PPP3CA: variants seen among roughly 807,000 people sequenced by gnomAD.
PPP3CA encodes the protein CAM-PRP catalytic subunit.
A neutral mutation model predicts 66.5 loss-of-function variants in PPP3CA; 14 were observed. That is an observed-to-expected ratio of 0.21 (90% confidence interval 0.14 to 0.33). The LOEUF (loss-of-function observed/expected upper bound fraction) is 0.33. PPP3CA is among the 10% of genes least tolerant of loss of function. PPP3CA has a pLI of 1.00. For synonymous variants in PPP3CA, 232 were observed against 226.2 expected (o/e 1.03, Z -0.23); for missense variants, 317 against 639.5 (o/e 0.50, Z 5.44).
chr4:101,269,868 G>A (rs924227488), intron 1 of PPP3CA, among the ~76,000 whole-genome samples: 3 of 152,038 alleles, frequency 2.0e-5, no homozygotes, highest in African/African-American at 7.2e-5. Context: ...TGCTTTACCA[G>A]TCTCTATAAG....
rs764379472 is a variant in PPP3CA at position 101,052,160 on chromosome 4, T to C, written c.1156+8927A>G. On this transcript the variant is annotated intron_variant, in intron 10 of 13. Transcript: ENST00000394854. ...GAAAAGGCAGTACTTCTGATACCTA[T>C]ATTACTGCACCATTTTAATTGCTAA... Among the ~76,000 whole-genome samples the C allele has an allele frequency of 4.9e-4, 75 of 152,088 alleles. 1 individual carries two copies. The highest frequency in any genetic ancestry group is 2.1e-4 in the Non-Finnish European group (14 of 67,976).
At chr4:101,285,607 G>C (rs924011486) in intron 1 of PPP3CA, among the ~76,000 whole-genome samples, 2 of 119,042 alleles carry the variant, frequency 1.7e-5, no homozygotes, top group African/African-American at 8.1e-5. Context: ...GTATGTGTGT[G>C]TGTGTGTGTG....
At position 101,347,225 on chromosome 4, in the gene PPP3CA, A is replaced by T; in HGVS notation, c.-429T>A. On this transcript the variant is annotated 5_prime_UTR_variant, in exon 1 of 14. The change abolishes an upstream ATG in the 5' untranslated region. Coordinates refer to ENST00000394854, the MANE Select transcript of PPP3CA (RefSeq NM_000944.5). Reference sequence around the variant, plus strand: ...CACGGCCAGGATTAAGACCGATCACATGGGGAAGGCCGGGGGCGAGGGAGG... The same window carrying T: ...CACGGCCAGGATTAAGACCGATCACTTGGGGAAGGCCGGGGGCGAGGGAGG... 1 of 198,422 alleles carries T rather than the reference A, an allele frequency of 5.0e-6. No homozygotes were observed. The highest frequency in any genetic ancestry group is 7.4e-5 in the South Asian group (1 of 13,430). 12.3% of individuals were successfully genotyped at this position (198,422 alleles called of 1,614,324 possible).
intron 1 of PPP3CA, among the ~76,000 whole-genome samples, chr4:101,221,885 A>G (rs1725636316): frequency 6.6e-6 from 1 of 151,636 alleles, no homozygotes; most frequent in Non-Finnish European, 1.5e-5. Context: ...GGTAGCTGAG[A>G]TAACTGAAAG....
At chr4:101,032,153 G>T in intron 12 of PPP3CA, 114 bp downstream of exon 12, 1 of 732,492 alleles carries the variant, frequency 1.4e-6, no homozygotes, top group Admixed American at 3.7e-5. Context: ...TCTGCCAGCT[G>T]AGAAGAAGAA....
intron 1 of PPP3CA, among the ~76,000 whole-genome samples, chr4:101,291,360 T>G (rs915165817): frequency 6.6e-6 from 1 of 152,194 alleles, no homozygotes; most frequent in Non-Finnish European, 1.5e-5. Flanking sequence ...TGTATTGGCA[T>G]GCATTCTAAT....
At chr4:101,061,223 C>T in intron 9 of PPP3CA, 62 bp from the exon 10 acceptor site, 1 of 1,412,504 alleles carries the variant, frequency 7.1e-7, no homozygotes, top group South Asian at 1.2e-5. Context: ...AACTATTACT[C>T]TGGCATTGTT....
At chr4:101,132,675 G>C (rs1417706771) in intron 2 of PPP3CA, among the ~76,000 whole-genome samples, 1 of 152,180 alleles carries the variant, frequency 6.6e-6, no homozygotes, top group Non-Finnish European at 1.5e-5. Flanking sequence ...GAGGTACAAA[G>C]ATGAGCTGGT....
At chr4:101,050,354 T>G (rs1029299354) in intron 10 of PPP3CA, among the ~76,000 whole-genome samples, 1 of 152,048 alleles carries the variant, frequency 6.6e-6, no homozygotes, top group African/African-American at 2.4e-5. Flanking sequence ...TCTTAAGACA[T>G]ATAACTAAAT....
At chr4:101,133,745 C>T (rs1185231963) in intron 2 of PPP3CA, among the ~76,000 whole-genome samples, 1 of 152,132 alleles carries the variant, frequency 6.6e-6, no homozygotes, top group Non-Finnish European at 1.5e-5. Context: ...AAAAAAACTA[C>T]TTTAAATTTC....
At chr4:101,296,532 A>G (rs1728206532) in intron 1 of PPP3CA, among the ~76,000 whole-genome samples, 1 of 152,142 alleles carries the variant, frequency 6.6e-6, no homozygotes, top group Non-Finnish European at 1.5e-5. Context: ...TTTTGCTTTA[A>G]GCTGAACTTT....
intron 1 of PPP3CA, among the ~76,000 whole-genome samples, chr4:101,220,376 CT>C (rs1322768729): frequency 1.3e-5 from 2 of 150,874 alleles, no homozygotes; most frequent in Non-Finnish European, 3.0e-5. Flanking sequence ...TAACCTGTTC[CT>C]TTTTTACCAA....
chr4:101,205,365 C>A lies in PPP3CA; in HGVS notation c.59-9249G>T, dbSNP rs142433890. The stretch of plus-strand genomic sequence containing the variant: ...AATTAAGCTCTGGGGTACATGAATC[C>A]AGGTACATTTTACCACTCAGAAATC... On this transcript the variant is annotated intron_variant, in intron 1 of 13. Coordinates refer to ENST00000394854, the MANE Select transcript of PPP3CA (RefSeq NM_000944.5). Among the ~76,000 whole-genome samples the A allele has an allele frequency of 2.4e-3, 361 of 151,882 alleles. 1 individual carries two copies. Among genetic ancestry groups the A allele is most frequent in the African/African-American group, 8.5e-3 (350 of 41,410 alleles).
chr4:101,233,780 G>A (rs1175894648), intron 1 of PPP3CA, among the ~76,000 whole-genome samples: 1 of 150,814 alleles, frequency 6.6e-6, no homozygotes, highest in Admixed American at 6.6e-5. Flanking sequence ...TACATGTGCA[G>A]GTTTGTGATA....
chr4:101,199,205 T>C (rs1433487635), intron 1 of PPP3CA, among the ~76,000 whole-genome samples: 2 of 152,228 alleles, frequency 1.3e-5, no homozygotes, highest in African/African-American at 2.4e-5. Flanking sequence ...CATGAAGACC[T>C]GTGCCAAATA....
chr4:101,106,475 G>A (rs1325539004), intron 3 of PPP3CA, among the ~76,000 whole-genome samples: 2 of 36,180 alleles, frequency 5.5e-5, no homozygotes, highest in Admixed American at 2.3e-4. Flanking sequence ...GAAAAGAAAA[G>A]AAAAGAAAAG....
intron 1 of PPP3CA, among the ~76,000 whole-genome samples, chr4:101,306,484 A>C (rs767288736): frequency 5.9e-5 from 9 of 152,164 alleles, no homozygotes; most frequent in Non-Finnish European, 8.8e-5. Context: ...AGTGAGAGTG[A>C]AAGAAAAATT....
At chr4:101,346,662 GGA>G in intron 1 of PPP3CA, 75 bp downstream of exon 1, 1 of 1,205,942 alleles carries the variant, frequency 8.3e-7, no homozygotes, top group Non-Finnish European at 1.1e-6. Flanking sequence ...GGGGAGGGGA[GGA>G]AAGGCGAGGC....
Position 101,099,737 on chromosome 4 carries a change from A to G in PPP3CA, c.385-15T>C. ...TACAGCACACACTGAGAAAAATAAA[A>G]ATAATATAAAAATAAATATTTTTCC... is the stretch of plus-strand genomic sequence containing the variant. On this transcript the variant is annotated splice_polypyrimidine_tract_variant and intron_variant, in intron 3 of 13. Transcript: ENST00000394854. The G allele has an allele frequency of 7.6e-7, 1 of 1,309,368 alleles. No individual in the cohort carries two copies. Among genetic ancestry groups the G allele is most frequent in the Non-Finnish European group, 1.0e-6 (1 of 971,060 alleles). 81.1% of individuals were successfully genotyped at this position (1,309,368 alleles called of 1,614,324 possible).
Sources: gnomAD v4.1 joint callset for allele counts (sites outside exome capture counted in the v4.1 genomes callset) on GRCh38, gnomAD v4.1.1 for gene constraint, MANE v1.5 for transcripts, NCBI Gene and HGNC (gene_info 2026-07-23, HGNC 2026-07-21) for gene names.